VRK2: variants seen among roughly 807,000 people sequenced by gnomAD.
VRK2 encodes serine/threonine-protein kinase VRK2.
VRK2 carries 60 observed loss-of-function variants against 57.6 expected under a neutral mutation model. That is an observed-to-expected ratio of 1.04 (90% confidence interval 0.85 to 1.29). VRK2 has a LOEUF of 1.29. Among genes scored for constraint, VRK2 ranks in the 50% most tolerant of loss-of-function variants. VRK2 has a pLI of 0.00. For missense variants in VRK2, 705 were observed against 588.1 expected, an observed-to-expected ratio of 1.20 and a Z score of -2.06; for synonymous variants, 231 against 199.2, an observed-to-expected ratio of 1.16 and a Z score of -1.35.
Position 58,068,766 on chromosome 2 carries a change from G to A in VRK2, c.137-15323G>A, listed in dbSNP as rs1484266340. ...CCTTTGATCTATCATCAAGTTCAGT[G>A]ACTTTTTCTTATGTCATCTCCCTAA... On this transcript the variant is annotated intron_variant, in intron 2 of 12. Transcript: ENST00000340157. Among the ~76,000 whole-genome samples, 4 of 146,108 alleles carry A rather than the reference G, an allele frequency of 2.7e-5. No homozygotes were observed. In the Admixed American group the frequency reaches 2.8e-4, roughly 10 times the overall value.
At chr2:58,026,025 T>C (rs988785366) in intron 2 of VRK2, among the ~76,000 whole-genome samples, 1 of 152,178 alleles carries the variant, frequency 6.6e-6, no homozygotes, top group Non-Finnish European at 1.5e-5. Context: ...TATAAAACTA[T>C]GTGTTAATGA....
chr2:58,053,638 A>T (rs1676079512), intron 2 of VRK2, among the ~76,000 whole-genome samples: 1 of 152,110 alleles, frequency 6.6e-6, no homozygotes, highest in Non-Finnish European at 1.5e-5. Context: ...ATTGATTTTA[A>T]GGTATGCAGA....
At chr2:57,994,229 G>C (rs937158870) in intron 1 of VRK2, among the ~76,000 whole-genome samples, 1 of 152,096 alleles carries the variant, frequency 6.6e-6, no homozygotes, top group Non-Finnish European at 1.5e-5. Flanking sequence ...TTAGCTTTCT[G>C]GGAAGAAAAT....
At chr2:58,102,184 G>T (rs1282451941) in intron 7 of VRK2, among the ~76,000 whole-genome samples, 1 of 151,590 alleles carries the variant, frequency 6.6e-6, no homozygotes, top group African/African-American at 2.4e-5. Flanking sequence ...GGGAACTGCT[G>T]TGGGTTGAAT....
intron 1 of VRK2, among the ~76,000 whole-genome samples, chr2:58,012,416 G>A (rs540039576): frequency 6.6e-6 from 1 of 152,150 alleles, no homozygotes; most frequent in Non-Finnish European, 1.5e-5. Context: ...CACCCTTTCA[G>A]CACTTCAATG....
intron 1 of VRK2, among the ~76,000 whole-genome samples, chr2:57,937,040 G>C (rs1234016857): frequency 6.6e-6 from 1 of 152,164 alleles, no homozygotes; most frequent in African/African-American, 2.4e-5. Flanking sequence ...TTGTTCTTTT[G>C]TGATAATACT....
At chr2:58,042,997 A>G (rs1674522149), upstream of VRK2, among the ~76,000 whole-genome samples, 1 of 152,166 alleles carries the variant, frequency 6.6e-6, no homozygotes. Context: ...AAAATTCTGC[A>G]TTAAATCCCA....
chr2:58,024,391 A>G (rs1326782423), intron 1 of VRK2, among the ~76,000 whole-genome samples: 1 of 152,190 alleles, frequency 6.6e-6, no homozygotes, highest in African/African-American at 2.4e-5. Flanking sequence ...AGGAATTAAT[A>G]GAAGTTTTTT....
intron 8 of VRK2, among the ~76,000 whole-genome samples, chr2:58,126,347 G>A (rs996786800): frequency 6.6e-5 from 10 of 152,018 alleles, no homozygotes; most frequent in African/African-American, 2.4e-4. Flanking sequence ...TTTGTAGCAG[G>A]TTATTTAAAA....
chr2:58,030,019 A>T (rs1572802703), intron 2 of VRK2, among the ~76,000 whole-genome samples: 2 of 152,126 alleles, frequency 1.3e-5, no homozygotes, highest in African/African-American at 4.8e-5. Context: ...TTAGCAACTC[A>T]GTTTAGCCTC....
chr2:58,027,565 G>A (rs575047849), intron 2 of VRK2, among the ~76,000 whole-genome samples: 2 of 152,028 alleles, frequency 1.3e-5, no homozygotes, highest in Non-Finnish European at 2.9e-5. Flanking sequence ...GAAAGGGCTT[G>A]GTGGATTGGT....
chr2:57,925,744 C>A (rs554954164), intron 1 of VRK2, among the ~76,000 whole-genome samples: 1 of 150,946 alleles, frequency 6.6e-6, no homozygotes, highest in Admixed American at 6.6e-5. Context: ...TTTCTCTAAT[C>A]TTTATTATTT....
intron 8 of VRK2, among the ~76,000 whole-genome samples, chr2:58,126,834 CA>C (rs1206027508): frequency 6.6e-6 from 1 of 151,808 alleles, no homozygotes; most frequent in African/African-American, 2.4e-5. Context: ...ATATTTGTGT[CA>C]AATATAGTAT....
chr2:58,143,705 C>T (rs1681677148), intron 11 of VRK2, among the ~76,000 whole-genome samples: 3 of 151,824 alleles, frequency 2.0e-5, no homozygotes, highest in Admixed American at 2.0e-4. Flanking sequence ...AAAAATAAAA[C>T]TGCCAGCAAC....
chr2:58,100,109 T>C (rs922263832), intron 7 of VRK2, among the ~76,000 whole-genome samples: 1 of 152,018 alleles, frequency 6.6e-6, no homozygotes, highest in African/African-American at 2.4e-5. Flanking sequence ...TCAAAGTTCC[T>C]AGGATATTCA....
intron 2 of VRK2, among the ~76,000 whole-genome samples, chr2:58,030,736 C>T (rs1263606362): frequency 6.6e-6 from 1 of 152,012 alleles, no homozygotes; most frequent in Non-Finnish European, 1.5e-5. Context: ...CTTGTGATTA[C>T]AAGCAAGTAA....
chr2:57,963,936 C>T (rs1377886980), intron 1 of VRK2, among the ~76,000 whole-genome samples: 1 of 152,180 alleles, frequency 6.6e-6, no homozygotes, highest in East Asian at 1.9e-4. Flanking sequence ...GCTCCAGGAA[C>T]CATTTAAACT....
intron 1 of VRK2, among the ~76,000 whole-genome samples, chr2:58,000,239 C>T (rs1328833359): frequency 6.6e-6 from 1 of 152,138 alleles, no homozygotes; most frequent in East Asian, 1.9e-4. Flanking sequence ...CAAGTTAGGC[C>T]ACTTACAGAA....
chr2:57,924,813 C>T (rs150203574), intron 1 of VRK2, among the ~76,000 whole-genome samples: 153 of 152,004 alleles, frequency 1.0e-3, no homozygotes, highest in African/African-American at 3.7e-3. Flanking sequence ...TAGTTTTTCC[C>T]CAATCTATGT....
Sources: allele counts gnomAD v4.1 joint callset (sites outside exome capture counted in the v4.1 genomes callset), GRCh38; gene constraint gnomAD v4.1.1; transcripts MANE v1.5; gene names NCBI Gene and HGNC (gene_info 2026-07-23, HGNC 2026-07-21).